Variants in MTHFD2L observed in about 807,000 individuals in gnomAD.
The protein encoded by MTHFD2L is bifunctional methylenetetrahydrofolate dehydrogenase/cyclohydrolase 2, mitochondrial.
A neutral mutation model predicts 34.9 loss-of-function variants in MTHFD2L; 29 were observed. The observed-to-expected ratio is 0.83, with a 90% CI of 0.62 to 1.13. The LOEUF is 1.13. Ranked by LOEUF, MTHFD2L falls within the 50% of genes most tolerant of loss-of-function variation. The probability of loss-of-function intolerance (pLI) is 0.00; values close to 1 mark genes in which losing one functional copy is unlikely to be tolerated. For missense variants in MTHFD2L, 481 were observed against 446.5 expected, an observed-to-expected ratio of 1.08 and a Z score of -0.70; for synonymous variants, 167 against 155.7, an observed-to-expected ratio of 1.07 and a Z score of -0.54.
At chr4:74,181,029 G>GAGTAAAGTA (rs1730064797) in intron 3 of MTHFD2L, among the ~76,000 whole-genome samples, 1 of 151,806 alleles carries the variant, frequency 6.6e-6, no homozygotes, top group Non-Finnish European at 1.5e-5. Context: ...AAAGTAATTA[G>GAGTAAAGTA]AAAAATAGTC....
At chr4:74,216,688 T>A (rs1737267962) in intron 5 of MTHFD2L, among the ~76,000 whole-genome samples, 1 of 151,792 alleles carries the variant, frequency 6.6e-6, no homozygotes, top group Non-Finnish European at 1.5e-5. Flanking sequence ...TTTCCCCATC[T>A]TAGTTGAGTG....
intron 6 of MTHFD2L, among the ~76,000 whole-genome samples, chr4:74,249,826 C>G (rs1190324195): frequency 6.6e-6 from 1 of 152,156 alleles, no homozygotes; most frequent in African/African-American, 2.4e-5. Context: ...TCTTCTGGCT[C>G]GTAGAGTTTC....
intron 3 of MTHFD2L, chr4:74,183,831 A>G (rs1243144402): frequency 6.6e-6 from 1 of 151,564 alleles, no homozygotes; most frequent in African/African-American, 2.4e-5. Flanking sequence ...CTTATTATTC[A>G]GATTATTTTA....
At chr4:74,117,018 A>G (rs1721665999) in intron 2 of MTHFD2L, among the ~76,000 whole-genome samples, 1 of 152,264 alleles carries the variant, frequency 6.6e-6, no homozygotes, top group South Asian at 2.1e-4. Context: ...ATGTTTGGCA[A>G]TAGCTGATTT....
chr4:74,251,837 AT>A (rs1171734156), intron 6 of MTHFD2L, among the ~76,000 whole-genome samples: 3 of 152,334 alleles, frequency 2.0e-5, no homozygotes, highest in Non-Finnish European at 4.4e-5. Flanking sequence ...AAACAAAACT[AT>A]TTTTAAAATT....
chr4:74,168,090 A>G (rs979503176), intron 1 of MTHFD2L, among the ~76,000 whole-genome samples: 1 of 152,170 alleles, frequency 6.6e-6, no homozygotes, highest in Non-Finnish European at 1.5e-5. Flanking sequence ...CCTTGATCTC[A>G]TAGAGTCTAT....
intron 3 of MTHFD2L, among the ~76,000 whole-genome samples, chr4:74,193,098 A>C (rs1356016191): frequency 6.6e-6 from 1 of 152,146 alleles, no homozygotes; most frequent in Non-Finnish European, 1.5e-5. Context: ...TTAGATTTCT[A>C]ATTGATTTCT....
intron 5 of MTHFD2L, among the ~76,000 whole-genome samples, chr4:74,213,111 C>T (rs1381651487): frequency 6.6e-6 from 1 of 151,944 alleles, no homozygotes; most frequent in African/African-American, 2.4e-5. Context: ...AGATGGGTCT[C>T]CTGAATACAG....
rs891264122 is a variant in MTHFD2L at position 74,190,497 on chromosome 4, A to G, written c.452-9297A>G. On this transcript the variant is annotated intron_variant, in intron 3 of 7. Transcript: ENST00000325278. ...CTCAGAAGGGTGGAGAACCAGACCC[A>G]CCTTTTTCCGGCCTAGAGAACTCCT... is the stretch of plus-strand genomic sequence containing the variant. 4 of 985,148 alleles carry G rather than the reference A, an allele frequency of 4.1e-6. No homozygotes were observed. The African/African-American group carries it at 7.0e-5, about 17-fold the overall frequency. 61.0% of individuals were successfully genotyped at this position (985,148 alleles called of 1,614,324 possible). A position where few individuals can be genotyped will look rare whatever the true frequency, so the allele number is the denominator to read the frequency against.
chr4:74,291,970 G>T (rs569040079), intron 7 of MTHFD2L, among the ~76,000 whole-genome samples: 26 of 152,270 alleles, frequency 1.7e-4, no homozygotes, highest in African/African-American at 6.3e-4. Context: ...TTTACTATAA[G>T]AGAAGATCTT....
chr4:74,225,277 TGATA>T, intron 5 of MTHFD2L, 21 bp from the exon 6 acceptor site: 8 of 1,573,712 alleles, frequency 5.1e-6, no homozygotes, highest in Non-Finnish European at 7.0e-6. Flanking sequence ...CAGTAATCAC[TGATA>T]GAAATTCTTC....
chr4:74,295,516 C>G (rs1313310045), intron 7 of MTHFD2L, among the ~76,000 whole-genome samples: 1 of 152,226 alleles, frequency 6.6e-6, no homozygotes, highest in South Asian at 2.1e-4. Flanking sequence ...ATTTCCTTTC[C>G]TTTCACCCCA....
In MTHFD2L at chr4:74,189,485, CTTTTTTTTT is replaced by C. The variant is rs55665552; in HGVS notation, c.452-10292_452-10284del. Among the ~76,000 whole-genome samples the C allele has an allele frequency of 7.5e-5, 9 of 119,794 alleles. No homozygotes were observed. In the East Asian group the frequency reaches 1.9e-3, roughly 26 times the overall value. 78.6% of individuals were successfully genotyped at this position (119,794 alleles called of 152,430 possible). A position where few individuals can be genotyped will look rare whatever the true frequency, so the allele number is the denominator to read the frequency against. On this transcript the variant is annotated intron_variant, in intron 3 of 7. Transcript: ENST00000325278. ...CATTGAGCAAGCAGTGTTTTTCTTC[CTTTTTTTTT>C]TTTTTTTTTTTTTTTTAAAGATTAA...
At chr4:74,203,104 T>C (rs1734722730) in intron 5 of MTHFD2L, among the ~76,000 whole-genome samples, 1 of 152,184 alleles carries the variant, frequency 6.6e-6, no homozygotes, top group Non-Finnish European at 1.5e-5. Context: ...ATATTTTCCC[T>C]TTCTATGCCT....
rs1750461026 is a variant in MTHFD2L, at chr4:74,302,738, A to G, written c.*929A>G. The G allele has an allele frequency of 6.6e-6, 1 of 152,198 alleles. No individual in the cohort carries two copies. Among genetic ancestry groups the G allele is most frequent in the Non-Finnish European group, 1.5e-5 (1 of 68,014 alleles). The allele number at this position is 152,198 out of a possible 1,614,324, so 9.4% of individuals were successfully genotyped here. ...AAATTCAGAAATCTAATAGGAAAACATGATACTTTCAATGTGCCAAAACTA... is the reference window on the plus strand; with the variant it reads ...AAATTCAGAAATCTAATAGGAAAACGTGATACTTTCAATGTGCCAAAACTA... On this transcript the variant is annotated 3_prime_UTR_variant, in exon 8 of 8. Coordinates refer to ENST00000325278, the MANE Select transcript of MTHFD2L (RefSeq NM_001144978.3).
chr4:74,150,377 C>T (rs1723856381), intron 1 of MTHFD2L, among the ~76,000 whole-genome samples: 1 of 152,194 alleles, frequency 6.6e-6, no homozygotes, highest in Non-Finnish European at 1.5e-5. Context: ...CCTTAGCCTC[C>T]TGAGTAGCTG....
At chr4:74,222,041 CT>C (rs1490369207) in intron 5 of MTHFD2L, among the ~76,000 whole-genome samples, 178 of 151,688 alleles carry the variant, frequency 1.2e-3, no homozygotes, top group African/African-American at 4.1e-3. Flanking sequence ...TTATTTTTTA[CT>C]TTATACTTTT....
chr4:74,240,602 C>T (rs893337390), intron 6 of MTHFD2L, among the ~76,000 whole-genome samples: 1 of 152,098 alleles, frequency 6.6e-6, no homozygotes, highest in Admixed American at 6.6e-5. Context: ...TGCATACACA[C>T]TCACAAACAG....
In MTHFD2L at chr4:74,302,351, A is replaced by G. The variant is rs1461214390; in HGVS notation, c.*542A>G. ...TTGATCTCAACTATCCCCCAAATGC[A>G]TCCTATAAGTCCATCCTAATGAGAA... is the stretch of plus-strand genomic sequence containing the variant. On this transcript the variant is annotated 3_prime_UTR_variant, in exon 8 of 8. Transcript: ENST00000325278. The G allele has an allele frequency of 6.6e-6, 1 of 152,112 alleles. No homozygotes were observed. The highest frequency in any genetic ancestry group is 1.5e-5 in the Non-Finnish European group (1 of 67,990). The allele number at this position is 152,112 out of a possible 1,614,324, so 9.4% of individuals were successfully genotyped here.
Sources: gnomAD v4.1 joint callset for allele counts (sites outside exome capture counted in the v4.1 genomes callset) on GRCh38, gnomAD v4.1.1 for gene constraint, MANE v1.5 for transcripts, NCBI Gene and HGNC (gene_info 2026-07-23, HGNC 2026-07-21) for gene names.